Variants in CPNE8 observed in about 807,000 individuals in gnomAD.
CPNE8 encodes copine-8.
A neutral mutation model predicts 81.5 loss-of-function variants in CPNE8; 45 were observed. The ratio of observed to expected loss-of-function variants is 0.55; its 90% CI spans 0.44 to 0.71. The LOEUF is 0.71. Among genes scored for constraint, CPNE8 ranks in the 30% least tolerant of loss-of-function variants. CPNE8 has a pLI of 0.00. For missense variants in CPNE8, 594 were observed against 672.1 expected, an observed-to-expected ratio of 0.88 and a Z score of 1.28; for synonymous variants, 252 against 226.3, an observed-to-expected ratio of 1.11 and a Z score of -1.02.
intron 11 of CPNE8, among the ~76,000 whole-genome samples, chr12:38,729,378 T>TGAGAGA (rs1940779569): frequency 6.6e-6 from 1 of 152,066 alleles, no homozygotes; most frequent in Non-Finnish European, 1.5e-5. Flanking sequence ...GCACTAAGTA[T>TGAGAGA]ACTACTATAT....
intron 6 of CPNE8, among the ~76,000 whole-genome samples, chr12:38,805,951 A>G (rs1290138662): frequency 2.0e-5 from 3 of 150,146 alleles, no homozygotes; most frequent in African/African-American, 7.3e-5. Flanking sequence ...AATACAAACT[A>G]CCATCAGAGA....
chr12:38,654,123 T>A, intron 19 of CPNE8, 53 bp from the exon 20 acceptor site: 1 of 1,516,222 alleles, frequency 6.6e-7, no homozygotes, highest in Admixed American at 2.2e-5. Flanking sequence ...GGCTATGTAA[T>A]AAACACAAAA....
chr12:38,883,111 C>A (rs1184530611), intron 1 of CPNE8, among the ~76,000 whole-genome samples: 1 of 152,320 alleles, frequency 6.6e-6, no homozygotes, highest in African/African-American at 2.4e-5. Context: ...TTTCACTTAA[C>A]CCTCACCATA....
chr12:38,842,774 C>T (rs1943494487), intron 4 of CPNE8, among the ~76,000 whole-genome samples: 1 of 151,868 alleles, frequency 6.6e-6, no homozygotes, highest in Non-Finnish European at 1.5e-5. Flanking sequence ...GACGGGGTTT[C>T]ACCATGTTGG....
At chr12:38,829,486 A>G in intron 5 of CPNE8, 31 bp from the exon 6 acceptor site, 1 of 1,480,352 alleles carries the variant, frequency 6.8e-7, no homozygotes. Flanking sequence ...AAAGCTCATA[A>G]GTTTCCAAAC....
At chr12:38,724,600 T>C (rs1234964788) in intron 12 of CPNE8, among the ~76,000 whole-genome samples, 1 of 152,146 alleles carries the variant, frequency 6.6e-6, no homozygotes, top group African/African-American at 2.4e-5. Flanking sequence ...CTTCAGCCTC[T>C]CTCAGAGGCC....
intron 4 of CPNE8, among the ~76,000 whole-genome samples, chr12:38,841,109 T>A (rs1943462160): frequency 6.6e-6 from 1 of 151,352 alleles, no homozygotes; most frequent in African/African-American, 2.4e-5. Context: ...AGGCAGAGGG[T>A]CCATTCACTC....
intron 6 of CPNE8, among the ~76,000 whole-genome samples, chr12:38,792,491 C>A (rs1942349719): frequency 6.6e-6 from 1 of 151,404 alleles, no homozygotes; most frequent in Non-Finnish European, 1.5e-5. Context: ...GTAATTGACA[C>A]ATTCTTGGAA....
chr12:38,707,553 TA>T (rs1380563242), intron 13 of CPNE8, among the ~76,000 whole-genome samples: 1 of 152,098 alleles, frequency 6.6e-6, no homozygotes, highest in Non-Finnish European at 1.5e-5. Flanking sequence ...AGCCTAAGTA[TA>T]AAAGGTGGAT....
At chr12:38,861,903 T>TGAAA (rs34246724) in intron 3 of CPNE8, among the ~76,000 whole-genome samples, 22,792 of 152,050 alleles carry the variant, frequency 0.15, 2,574 homozygotes, top group African/African-American at 0.32. Flanking sequence ...AAATTATGGC[T>TGAAA]GAGAGAAAAT....
intron 6 of CPNE8, among the ~76,000 whole-genome samples, chr12:38,784,127 A>C (rs1255782066): frequency 6.6e-6 from 1 of 152,238 alleles, no homozygotes; most frequent in African/African-American, 2.4e-5. Flanking sequence ...TGACACAGAA[A>C]GTAATTCAGA....
chr12:38,864,485 A>ATTGTAGT (rs1943888019), intron 3 of CPNE8, among the ~76,000 whole-genome samples: 1 of 152,160 alleles, frequency 6.6e-6, no homozygotes, highest in African/African-American at 2.4e-5. Context: ...AAAACTACAA[A>ATTGTAGT]GCTCATGCCA....
At chr12:38,823,883 G>A (rs12161813) in intron 6 of CPNE8, among the ~76,000 whole-genome samples, 1 of 152,160 alleles carries the variant, frequency 6.6e-6, no homozygotes, top group Non-Finnish European at 1.5e-5. Flanking sequence ...CTCACAGCAT[G>A]AGAAAACACA....
At chr12:38,839,407 A>G (rs966691932) in intron 5 of CPNE8, among the ~76,000 whole-genome samples, 3 of 152,002 alleles carry the variant, frequency 2.0e-5, no homozygotes, top group African/African-American at 7.2e-5. Flanking sequence ...AGAAAACAAA[A>G]CTATAAGTGA....
intron 19 of CPNE8, among the ~76,000 whole-genome samples, chr12:38,670,475 G>T (rs1414487361): frequency 6.6e-6 from 1 of 151,772 alleles, no homozygotes; most frequent in Non-Finnish European, 1.5e-5. Context: ...ACATATTTTA[G>T]GATCTATTTC....
At chr12:38,698,744 A>T (rs1352615740) in intron 14 of CPNE8, among the ~76,000 whole-genome samples, 2 of 152,168 alleles carry the variant, frequency 1.3e-5, no homozygotes, top group East Asian at 3.9e-4. Context: ...TATCCATTTC[A>T]TTGATCTGAA....
chr12:38,834,712 T>C (rs926499822), intron 5 of CPNE8, among the ~76,000 whole-genome samples: 3 of 152,140 alleles, frequency 2.0e-5, no homozygotes, highest in African/African-American at 7.2e-5. Flanking sequence ...CCTCCAGTGA[T>C]ATCCATCCAA....
chr12:38,883,819 A>T (rs1944198223), intron 1 of CPNE8, among the ~76,000 whole-genome samples: 1 of 152,216 alleles, frequency 6.6e-6, no homozygotes, highest in Non-Finnish European at 1.5e-5. Context: ...AGACACTCTA[A>T]ATAGCACCTT....
At chr12:38,725,826 G>T (rs1460060693) in intron 11 of CPNE8, among the ~76,000 whole-genome samples, 3 of 34,204 alleles carry the variant, frequency 8.8e-5, no homozygotes, top group African/African-American at 1.3e-4. Context: ...CTTGGCCAGG[G>T]AGTTTGGGTG....
Sources: gnomAD v4.1 joint callset for allele counts (sites outside exome capture counted in the v4.1 genomes callset) on GRCh38, gnomAD v4.1.1 for gene constraint, MANE v1.5 for transcripts, NCBI Gene and HGNC (gene_info 2026-07-23, HGNC 2026-07-21) for gene names.